FHIT: variants seen among roughly 807,000 people sequenced by gnomAD.
The protein encoded by FHIT is bis(5'-adenosyl)-triphosphatase.
In FHIT, 19 loss-of-function variants were observed where a neutral mutation model predicts 17.9. The observed-to-expected ratio is 1.06, with a 90% CI of 0.74 to 1.56. The LOEUF (loss-of-function observed/expected upper bound fraction) is 1.56. Among genes scored for constraint, FHIT ranks in the 40% most tolerant of loss-of-function variants. The probability of loss-of-function intolerance (pLI) is 0.00; values close to 1 mark genes in which losing one functional copy is unlikely to be tolerated. For missense variants in FHIT, 248 were observed against 189.2 expected (o/e 1.31, Z -1.82); for synonymous variants, 81 against 69.7 (o/e 1.16, Z -0.81).
At chr3:61,216,788 T>C (rs958566374) in intron 1 of FHIT, among the ~76,000 whole-genome samples, 1 of 152,116 alleles carries the variant, frequency 6.6e-6, no homozygotes, top group East Asian at 1.9e-4. Context: ...ATGTGGCACA[T>C]ATATACCATG....
intron 5 of FHIT, among the ~76,000 whole-genome samples, chr3:60,494,240 C>G (rs888973803): frequency 6.6e-6 from 1 of 152,164 alleles, no homozygotes; most frequent in Non-Finnish European, 1.5e-5. Context: ...CCCCTGGTAC[C>G]ACTAATCTGC....
chr3:59,815,276 T>C (rs1369664597), intron 8 of FHIT, among the ~76,000 whole-genome samples: 1 of 152,166 alleles, frequency 6.6e-6, no homozygotes, highest in East Asian at 1.9e-4. Flanking sequence ...ATCTATAGCC[T>C]GGTGGGAATG....
chr3:61,130,581 A>G (rs560442583), intron 2 of FHIT, among the ~76,000 whole-genome samples: 1 of 152,322 alleles, frequency 6.6e-6, no homozygotes, highest in East Asian at 1.9e-4. Context: ...CCCTCTCAAA[A>G]AAATAAAAAT....
intron 4 of FHIT, among the ~76,000 whole-genome samples, chr3:60,628,878 G>GT (rs1553681722): frequency 3.0e-4 from 46 of 152,290 alleles, no homozygotes; most frequent in Non-Finnish European, 5.9e-5. Flanking sequence ...GGCAGGCAGA[G>GT]TAACACCTAT....
intron 1 of FHIT, among the ~76,000 whole-genome samples, chr3:61,226,240 G>A (rs1004277678): frequency 2.0e-5 from 3 of 152,140 alleles, no homozygotes; most frequent in African/African-American, 7.2e-5. Context: ...ACTGAAAGAA[G>A]GTGCTAGTCA....
intron 7 of FHIT, among the ~76,000 whole-genome samples, chr3:59,969,449 T>G (rs1440918437): frequency 1.3e-5 from 2 of 152,154 alleles, no homozygotes; most frequent in South Asian, 4.1e-4. Flanking sequence ...AATGCTAATG[T>G]TTCATTAATC....
chr3:60,678,989 T>C (rs1345297019), intron 4 of FHIT, among the ~76,000 whole-genome samples: 1 of 148,866 alleles, frequency 6.7e-6, no homozygotes, highest in Non-Finnish European at 1.5e-5. Context: ...AAAAAAAAAG[T>C]GGTTTGCAAA....
At position 60,193,971 on chromosome 3, in the gene FHIT, G is replaced by C. The variant is rs367994088; in HGVS notation, c.104-179819C>G. On this transcript the variant is annotated intron_variant, in intron 5 of 9. Transcript: ENST00000492590. The stretch of plus-strand genomic sequence containing the variant: ...CGACACAAATGTGAAGACATCCAAT[G>C]ATCATGGATTGGAAGAATATCATGA... Among the ~76,000 whole-genome samples the C allele has an allele frequency of 4.6e-5, 7 of 152,278 alleles. No homozygotes were observed. In the East Asian group the frequency reaches 5.8e-4, roughly 13 times the overall value.
At chr3:60,634,891 T>C (rs2039541144) in intron 4 of FHIT, among the ~76,000 whole-genome samples, 1 of 152,202 alleles carries the variant, frequency 6.6e-6, no homozygotes, top group African/African-American at 2.4e-5. Context: ...TGAGACGCCA[T>C]CTCTATTTCC....
chr3:60,661,584 G>A (rs9880158), intron 4 of FHIT, among the ~76,000 whole-genome samples: 2,842 of 152,164 alleles, frequency 0.019, 109 homozygotes, highest in African/African-American at 0.064. Flanking sequence ...TGGGATTGTT[G>A]GATCAAATGG....
intron 5 of FHIT, among the ~76,000 whole-genome samples, chr3:60,239,343 T>C (rs998968414): frequency 6.6e-6 from 1 of 152,072 alleles, no homozygotes; most frequent in African/African-American, 2.4e-5. Flanking sequence ...GGTGGGAGGA[T>C]TGGGTGAGCC....
intron 5 of FHIT, among the ~76,000 whole-genome samples, chr3:60,415,764 T>G (rs932882453): frequency 2.7e-5 from 4 of 150,348 alleles, no homozygotes; most frequent in Non-Finnish European, 5.9e-5. Context: ...TATCATGGAT[T>G]AGCTATGTGA....
intron 5 of FHIT, among the ~76,000 whole-genome samples, chr3:60,040,167 G>A (rs1398872203): frequency 2.7e-5 from 4 of 149,364 alleles, no homozygotes; most frequent in Non-Finnish European, 6.0e-5. Flanking sequence ...ATTTTTTTGA[G>A]ACAGAGTCTT....
chr3:60,931,103 C>T (rs2107365757), intron 3 of FHIT, among the ~76,000 whole-genome samples: 1 of 152,000 alleles, frequency 6.6e-6, no homozygotes, highest in Non-Finnish European at 1.5e-5. Context: ...TCTCAGCAAA[C>T]TATCGCAAGG....
chr3:60,438,420 C>G (rs1429892278), intron 5 of FHIT, among the ~76,000 whole-genome samples: 1 of 151,822 alleles, frequency 6.6e-6, no homozygotes, highest in Non-Finnish European at 1.5e-5. Context: ...CTCCCCAAAA[C>G]TCCCTATTGC....
chr3:61,178,992 ATTTCTT>A lies in FHIT; in HGVS notation c.-164+21619_-164+21624del, dbSNP rs1313129812. 8.0e-5 allele frequency among the ~76,000 whole-genome samples: 11 copies of A among 137,292 alleles called. No homozygotes were observed. The South Asian group carries it at 1.9e-3, about 24-fold the overall frequency. 90.1% of individuals were successfully genotyped at this position (137,292 alleles called of 152,430 possible). On this transcript the variant is annotated intron_variant, in intron 2 of 9. Transcript: ENST00000492590. ...TGTTTGACATCCACAAGCCTACATT[ATTTCTT>A]TTTCTTTTTCTTTTTTTTTTTTTTT... is the stretch of plus-strand genomic sequence containing the variant.
intron 5 of FHIT, among the ~76,000 whole-genome samples, chr3:60,280,637 C>T (rs1189966905): frequency 6.6e-6 from 1 of 152,136 alleles, no homozygotes; most frequent in Non-Finnish European, 1.5e-5. Context: ...TTTCCCTCCA[C>T]AGCTTCTGTG....
At chr3:60,441,454 A>C (rs1025297985) in intron 5 of FHIT, among the ~76,000 whole-genome samples, 3 of 150,616 alleles carry the variant, frequency 2.0e-5, no homozygotes, top group African/African-American at 4.8e-5. Context: ...AAAACAACAA[A>C]ATCTTTAAAA....
intron 5 of FHIT, among the ~76,000 whole-genome samples, chr3:60,247,405 GAAA>G: frequency 6.6e-6 from 1 of 151,202 alleles, no homozygotes; most frequent in Non-Finnish European, 1.5e-5. Flanking sequence ...GAAGAAGAAA[GAAA>G]GAAGAAGGAA....
Sources: allele counts gnomAD v4.1 joint callset (sites outside exome capture counted in the v4.1 genomes callset), GRCh38; gene constraint gnomAD v4.1.1; transcripts MANE v1.5; gene names NCBI Gene and HGNC (gene_info 2026-07-23, HGNC 2026-07-21).